The following LAD1 variants were observed in gnomAD, a reference collection of about 807,000 sequenced individuals.
LAD1 encodes ladinin-1.
Under a neutral mutation model 54.2 loss-of-function variants are expected in LAD1, and 53 were observed. That is an observed-to-expected ratio of 0.98 (90% confidence interval 0.78 to 1.23). The LOEUF (loss-of-function observed/expected upper bound fraction) is 1.23, where lower values mean the gene tolerates loss of function less well. LAD1 is among the 50% of genes most tolerant of loss of function. The pLI is 0.00. For synonymous variants in LAD1, 231 were observed against 257.7 expected (o/e 0.90, Z 0.99); for missense variants, 637 against 653.3 (o/e 0.98, Z 0.27).
At chr1:201,384,233 G>A (rs576364141) in intron 5 of LAD1, among the ~76,000 whole-genome samples, 26 of 152,192 alleles carry the variant, frequency 1.7e-4, no homozygotes, top group African/African-American at 5.8e-4. Flanking sequence ...CTAGCCTAGT[G>A]TAGTAGGCTC....
chr1:201,391,695 G>A (rs1662198594), intron 1 of LAD1, among the ~76,000 whole-genome samples: 1 of 152,232 alleles, frequency 6.6e-6, no homozygotes, highest in African/African-American at 2.4e-5. Context: ...TGGAAGAGAT[G>A]AACCGGGCTG....
At position 201,382,750 on chromosome 1, in the gene LAD1, A is replaced by T. The variant is rs1384034309; in HGVS notation, c.1387-11T>A. On this transcript the variant is annotated splice_polypyrimidine_tract_variant and intron_variant, in intron 7 of 9. Coordinates refer to ENST00000391967, the MANE Select transcript of LAD1 (RefSeq NM_005558.4). ...GAGCCTCAAGTTCTCCTAAAAAGAG[A>T]ACTTTCCATCTCAGGGTTTAGGGCC... 2.5e-6 allele frequency: 4 copies of T among 1,581,620 alleles called. No individual in the cohort carries two copies. The African/African-American group carries it at 5.4e-5, about 21-fold the overall frequency.
chr1:201,382,587 CCT>C, intron 8 of LAD1, 64 bp downstream of exon 8: 2 of 1,331,994 alleles, frequency 1.5e-6, no homozygotes, highest in African/African-American at 1.4e-5. Flanking sequence ...GACTGTCCCT[CCT>C]CTGTCCCCAG....
intron 1 of LAD1, among the ~76,000 whole-genome samples, chr1:201,395,682 C>T (rs542513272): frequency 2.3e-4 from 35 of 152,182 alleles, no homozygotes; most frequent in Admixed American, 9.2e-4. Context: ...CACTTAGAAC[C>T]CAAGAGGTGG....
At chr1:201,396,842 G>A (rs1327204898) in intron 1 of LAD1, among the ~76,000 whole-genome samples, 1 of 152,134 alleles carries the variant, frequency 6.6e-6, no homozygotes, top group Non-Finnish European at 1.5e-5. Flanking sequence ...GAGGTGTCTG[G>A]AGAACCCAGG....
At chr1:201,399,216 C>T in intron 1 of LAD1, 53 bp downstream of exon 1, 1 of 1,450,052 alleles carries the variant, frequency 6.9e-7, no homozygotes, top group Non-Finnish European at 9.4e-7. Context: ...GGAGAGGAGA[C>T]CCAAAGGCTC....
chr1:201,395,481 C>T (rs1364643753), intron 1 of LAD1, among the ~76,000 whole-genome samples: 10 of 152,266 alleles, frequency 6.6e-5, no homozygotes, highest in East Asian at 5.8e-4. Flanking sequence ...CCACTGGGTG[C>T]GGTGGCTCAT....
intron 4 of LAD1, among the ~76,000 whole-genome samples, chr1:201,385,083 A>G (rs1662046932): frequency 6.6e-6 from 1 of 152,174 alleles, no homozygotes; most frequent in African/African-American, 2.4e-5. Context: ...CTTCCTTCGC[A>G]GGGCACCTGT....
rs775649592 is a variant in LAD1, at chr1:201,386,877, C to T, written c.484G>A (p.Val162Met). The change falls in exon 3 of 10, where the codon GTG (valine) becomes ATG (methionine). Residue 162 changes from valine to methionine, a missense_variant. Transcript: ENST00000391967. ...TTCCTCTCTTCTGGCTCCCTGCCCA[C>T]CAAGCTCTCCTCCTCCAGGGCCCAG... ...GPWALEEESL[V>M]GREPEERKKG... 124 of 1,487,612 alleles carry T rather than the reference C, an allele frequency of 8.3e-5. No homozygotes were observed. The highest frequency in any genetic ancestry group is 9.7e-5 in the Non-Finnish European group (109 of 1,122,570). 92.2% of individuals were successfully genotyped at this position (1,487,612 alleles called of 1,614,324 possible).
At chr1:201,381,987 G>C in intron 9 of LAD1, 94 bp from the exon 10 acceptor site, 1 of 1,345,056 alleles carries the variant, frequency 7.4e-7, no homozygotes, top group Non-Finnish European at 1.0e-6. Flanking sequence ...CTTTGCCCAA[G>C]CCCCACACCC....
At chr1:201,388,653 A>T (rs942668669) in intron 2 of LAD1, among the ~76,000 whole-genome samples, 2 of 150,830 alleles carry the variant, frequency 1.3e-5, no homozygotes, top group African/African-American at 4.9e-5. Flanking sequence ...ACTGCACTCC[A>T]GCCTAGCGAC....
In LAD1 at chr1:201,381,658, G is replaced by A; in HGVS notation, c.*230C>T. 6.4e-6 allele frequency: 4 copies of A among 621,066 alleles called. No homozygotes were observed. The highest frequency in any genetic ancestry group is 1.2e-5 in the Non-Finnish European group (4 of 341,504). 38.5% of individuals were successfully genotyped at this position (621,066 alleles called of 1,614,324 possible). ...GGGCAGAGACTGGGTCCCAGCATCT[G>A]TTGTGCCTGCCGCAGGGTGAGAAAG... On this transcript the variant is annotated 3_prime_UTR_variant, in exon 10 of 10. Transcript: ENST00000391967.
intron 4 of LAD1, 99 bp from the exon 5 acceptor site, chr1:201,384,934 C>A: frequency 9.1e-7 from 1 of 1,102,102 alleles, no homozygotes; most frequent in South Asian, 1.3e-5. Flanking sequence ...TCCTCCTCCT[C>A]TTCAGACCTC....
At chr1:201,382,451 A>AC (rs1661981846) in intron 8 of LAD1, 125 bp from the exon 9 acceptor site, 2 of 831,094 alleles carry the variant, frequency 2.4e-6, no homozygotes, top group Non-Finnish European at 4.0e-6. Flanking sequence ...AGGAACCCAG[A>AC]CCCACCCCTC....
intron 6 of LAD1, 32 bp from the exon 7 acceptor site, chr1:201,383,243 T>C (rs1456825804): frequency 2.5e-6 from 4 of 1,613,680 alleles, no homozygotes; most frequent in Non-Finnish European, 2.5e-6. Context: ...AGCTGACCCA[T>C]GCTGGGGAGG....
At chr1:201,383,491 T>C in intron 5 of LAD1, 102 bp from the exon 6 acceptor site, 1 of 1,106,706 alleles carries the variant, frequency 9.0e-7, no homozygotes, top group Non-Finnish European at 1.4e-6. Context: ...GTTCTCATTG[T>C]GGCCAAGAGA....
chr1:201,381,233 T>TTA lies in LAD1; in HGVS notation c.*653_*654dup, dbSNP rs1173356296. The TTA allele has an allele frequency of 6.4e-6, 1 of 157,160 alleles. No homozygotes were observed. Among genetic ancestry groups the TTA allele is most frequent in the African/African-American group, 2.4e-5 (1 of 41,386 alleles). 9.7% of individuals were successfully genotyped at this position (157,160 alleles called of 1,614,324 possible). A position where few individuals can be genotyped will look rare whatever the true frequency, so the allele number is the denominator to read the frequency against. ...CTCTTACACCTGAGAGTAAATGAGTTTATCAGATCCTTCCTGAGAACAGGT... is the reference window on the plus strand; with the variant it reads ...CTCTTACACCTGAGAGTAAATGAGTTTATATCAGATCCTTCCTGAGAACAGGT... On this transcript the variant is annotated 3_prime_UTR_variant, in exon 10 of 10. Transcript: ENST00000391967.
chr1:201,390,809 A>G (rs1422673465), intron 1 of LAD1, among the ~76,000 whole-genome samples: 1 of 152,188 alleles, frequency 6.6e-6, no homozygotes, highest in East Asian at 1.9e-4. Flanking sequence ...AAGTCACCCC[A>G]CATAGGAACC....
chr1:201,397,866 A>G (rs1349696496), intron 1 of LAD1, among the ~76,000 whole-genome samples: 1 of 152,196 alleles, frequency 6.6e-6, no homozygotes, highest in Admixed American at 6.5e-5. Flanking sequence ...GCCCACATCT[A>G]GAAGCAAAGA....
Sources: allele counts gnomAD v4.1 joint callset (sites outside exome capture counted in the v4.1 genomes callset), GRCh38; gene constraint gnomAD v4.1.1; transcripts MANE v1.5; gene names NCBI Gene and HGNC (gene_info 2026-07-23, HGNC 2026-07-21).